The following VPS13C variants were observed in gnomAD, a reference collection of about 807,000 sequenced individuals.
VPS13C encodes the protein intermembrane lipid transfer protein VPS13C.
A neutral mutation model predicts 456.8 loss-of-function variants in VPS13C; 358 were observed. The ratio of observed to expected loss-of-function variants is 0.78; its 90% CI spans 0.72 to 0.86. The LOEUF (loss-of-function observed/expected upper bound fraction) is 0.86, where lower values mean the gene tolerates loss of function less well. VPS13C is among the 40% of genes least tolerant of loss of function. The pLI is 0.00. For missense variants in VPS13C, 4,818 were observed against 4,385.4 expected (o/e 1.10, Z -2.79); for synonymous variants, 1,578 against 1,486.7 (o/e 1.06, Z -1.41).
chr15:61,961,487 AGTTT>A, intron 35 of VPS13C, 98 bp downstream of exon 35: 3 of 1,156,000 alleles, frequency 2.6e-6, no homozygotes, highest in Non-Finnish European at 3.6e-6. Context: ...GTAATGGAAC[AGTTT>A]ATTTGAATAA....
chr15:61,923,859 A>ATTTTTTTTTT (rs2043743450), intron 53 of VPS13C, among the ~76,000 whole-genome samples: 1 of 69,354 alleles, frequency 1.4e-5, no homozygotes, highest in African/African-American at 6.1e-5. Flanking sequence ...ACCCCTCTAA[A>ATTTTTTTTTT]TCTTTTTTTT....
At chr15:61,989,743 T>C (rs543060016) in intron 18 of VPS13C, among the ~76,000 whole-genome samples, 39 of 152,210 alleles carry the variant, frequency 2.6e-4, no homozygotes, top group Non-Finnish European at 5.3e-4. Context: ...ATACTACTAC[T>C]ATTCATCCCC....
chr15:61,977,219 A>G lies in VPS13C; in HGVS notation c.2291-20T>C. ...TTTCCTCTTTAAAAAATAATTTAAG[A>G]TATTATTTATTATTTTTACAAACAG... is the stretch of plus-strand genomic sequence containing the variant. On this transcript the variant is annotated intron_variant, in intron 23 of 84. Coordinates refer to ENST00000644861, the MANE Select transcript of VPS13C (RefSeq NM_020821.3). 7.1e-7 allele frequency: 1 copy of G among 1,399,602 alleles called. No individual in the cohort carries two copies. The highest frequency in any genetic ancestry group is 1.5e-5 in the South Asian group (1 of 67,778). 86.7% of individuals were successfully genotyped at this position (1,399,602 alleles called of 1,614,324 possible). A position where few individuals can be genotyped will look rare whatever the true frequency, so the allele number is the denominator to read the frequency against.
chr15:61,884,080 C>T, intron 68 of VPS13C, 48 bp downstream of exon 68: 1 of 1,526,334 alleles, frequency 6.6e-7, no homozygotes, highest in Non-Finnish European at 8.7e-7. Flanking sequence ...ACTACCACCA[C>T]CAAGAAAATA....
intron 15 of VPS13C, among the ~76,000 whole-genome samples, chr15:62,006,659 G>A (rs1158184041): frequency 4.6e-5 from 7 of 152,020 alleles, no homozygotes; most frequent in Non-Finnish European, 8.8e-5. Context: ...TTCTAGTTCT[G>A]GATCCCTGAG....
At position 61,878,646 on chromosome 15, in the gene VPS13C, A is replaced by G; in HGVS notation, c.10103T>C (p.Ile3368Thr). ...VHSVNLLLKSIGATLTDVDDL... is the reference protein window; with the variant it reads ...VHSVNLLLKSTGATLTDVDDL... Reference sequence around the variant, plus strand: ...ATCCACATCAGTCAGAGTAGCACCTATGCTTTTCAACAGCAAGTTGACAGA... The same window carrying G: ...ATCCACATCAGTCAGAGTAGCACCTGTGCTTTTCAACAGCAAGTTGACAGA... The change falls in exon 74 of 85, where the codon ATA becomes ACA. Residue 3368 changes from isoleucine to threonine, a missense_variant. Physicochemically the swap from Ile to Thr is moderately conservative, Grantham distance 89. Around this residue, in one of 3 missense-constraint regions of VPS13C, gnomAD observed 4,552 missense variants for 4,130.6 expected, o/e 1.10. Coordinates refer to ENST00000644861, the MANE Select transcript of VPS13C (RefSeq NM_020821.3). 6.2e-7 allele frequency: 1 copy of G among 1,611,606 alleles called. No homozygotes were observed. The highest frequency in any genetic ancestry group is 8.5e-7 in the Non-Finnish European group (1 of 1,178,826).
intron 65 of VPS13C, 138 bp downstream of exon 65, chr15:61,908,853 AG>A: frequency 1.1e-6 from 1 of 940,014 alleles, no homozygotes; most frequent in African/African-American, 1.7e-5. Context: ...AAAACATGTA[AG>A]GGTATTAAAG....
At chr15:61,973,426 T>C (rs2140356794) in intron 26 of VPS13C, 28 bp downstream of exon 26, 3 of 1,563,006 alleles carry the variant, frequency 1.9e-6, no homozygotes, top group Non-Finnish European at 2.6e-6. Context: ...CTTAATTTAA[T>C]AGAGAAAGAG....
chr15:61,962,877 A>C (rs1234456220), intron 32 of VPS13C, 25 bp from the exon 33 acceptor site: 1 of 1,477,080 alleles, frequency 6.8e-7, no homozygotes, highest in Non-Finnish European at 9.3e-7. Flanking sequence ...GTATTATTAT[A>C]ATTTCTACAG....
rs2045213366 is a variant in VPS13C, at chr15:61,961,709, A to G, written c.3788T>C (p.Val1263Ala). The G allele has an allele frequency of 6.2e-7, 1 of 1,613,998 alleles. No individual in the cohort carries two copies. The highest frequency in any genetic ancestry group is 1.3e-5 in the African/African-American group (1 of 74,930). Residue 1263 changes from valine (V) to alanine (A), a missense_variant, in exon 35 of 85, where the codon GTG becomes GCG. Around this residue, in one of 3 missense-constraint regions of VPS13C, gnomAD observed 4,552 missense variants for 4,130.6 expected, o/e 1.10. Coordinates refer to ENST00000644861, the MANE Select transcript of VPS13C (RefSeq NM_020821.3). Reference sequence around the variant, plus strand: ...AACTCTGATTAACCCAAGATCTACCACTACTGCATTGGTGGAAATAGAAGA... The same window carrying G: ...AACTCTGATTAACCCAAGATCTACCGCTACTGCATTGGTGGAAATAGAAGA... ...PQSSISTNAV[V>A]VDLGLIRVHN...
At chr15:61,865,524 C>T (rs1041908382) in intron 81 of VPS13C, 2 of 941,594 alleles carry the variant, frequency 2.1e-6, no homozygotes, top group African/African-American at 3.6e-5. Flanking sequence ...TATATACATA[C>T]ATATAATGTA....
chr15:61,947,688 A>C (rs2044653572), intron 42 of VPS13C, among the ~76,000 whole-genome samples: 1 of 152,158 alleles, frequency 6.6e-6, no homozygotes, highest in Non-Finnish European at 1.5e-5. Context: ...TATTAGATTA[A>C]GGAAGAATAA....
At position 61,961,806 on chromosome 15, in the gene VPS13C, C is replaced by G. The variant is rs1312980235; in HGVS notation, c.3691G>C (p.Asp1231His). 6.2e-7 allele frequency: 1 copy of G among 1,614,066 alleles called. No individual in the cohort carries two copies. The highest frequency in any genetic ancestry group is 1.7e-5 in the Admixed American group (1 of 60,008). ...ACACGAAAACTCCTCTGGGCAAGATCTTTCACACTTGTGGCAGCCCTTTCT... is the reference window on the plus strand; with the variant it reads ...ACACGAAAACTCCTCTGGGCAAGATGTTTCACACTTGTGGCAGCCCTTTCT... ...AAERAATSVK[D>H]LAQRSFRVSI... The change falls in exon 35 of 85, where the codon GAT becomes CAT. Residue 1231 changes from aspartate (D) to histidine (H), a missense_variant. This residue lies in a region of VPS13C where 4,552 missense variants were observed against 4,130.6 expected (regional missense o/e 1.10). Transcript: ENST00000644861.
intron 66 of VPS13C, among the ~76,000 whole-genome samples, chr15:61,895,036 T>C (rs2042765538): frequency 6.6e-6 from 1 of 152,014 alleles, no homozygotes; most frequent in Admixed American, 6.6e-5. Context: ...CTGTCCACAA[T>C]GGAATAAAAC....
At chr15:61,961,422 C>T (rs1947556126) in intron 35 of VPS13C, among the ~76,000 whole-genome samples, 167 bp downstream of exon 35, 1 of 150,430 alleles carries the variant, frequency 6.6e-6, no homozygotes, top group South Asian at 2.1e-4. Flanking sequence ...CACACACACA[C>T]ACACACACAC....
rs1006737876 is a variant in VPS13C, at chr15:61,982,658, C to G, written c.1915-85G>C. ...TTCAAAGTTTCACCTCAATTCTAAA[C>G]AGCTGTAGCTTTGAACTGTGGAACT... On this transcript the variant is annotated intron_variant, in intron 20 of 84. Coordinates refer to ENST00000644861, the MANE Select transcript of VPS13C (RefSeq NM_020821.3). 4 of 891,520 alleles carry G rather than the reference C, an allele frequency of 4.5e-6. No individual in the cohort carries two copies. In the African/African-American group the frequency reaches 6.7e-5, roughly 15 times the overall value. 55.2% of individuals were successfully genotyped at this position (891,520 alleles called of 1,614,324 possible).
intron 2 of VPS13C, among the ~76,000 whole-genome samples, chr15:62,042,062 C>T (rs2048259531): frequency 6.6e-6 from 1 of 152,026 alleles, no homozygotes; most frequent in Non-Finnish European, 1.5e-5. Flanking sequence ...TAGTTGAAAA[C>T]ATTACTGAAC....
intron 68 of VPS13C, among the ~76,000 whole-genome samples, 198 bp from the exon 69 acceptor site, chr15:61,882,934 C>G (rs570821246): frequency 2.0e-5 from 3 of 151,992 alleles, no homozygotes; most frequent in Non-Finnish European, 2.9e-5. Flanking sequence ...AAAAAAAGAT[C>G]GTGAAACTTT....
At chr15:61,958,483 T>C in intron 37 of VPS13C, 125 bp downstream of exon 37, 1 of 595,090 alleles carries the variant, frequency 1.7e-6, no homozygotes, top group Non-Finnish European at 2.9e-6. Flanking sequence ...ATCTTGTTTG[T>C]TTACTCGGTA....
Sources: gnomAD v4.1 joint callset for allele counts (sites outside exome capture counted in the v4.1 genomes callset) on GRCh38, gnomAD v4.1.1 for gene constraint, gnomAD v4.1.1 regional missense constraint, MANE v1.5 for transcripts, NCBI Gene and HGNC (gene_info 2026-07-23, HGNC 2026-07-21) for gene names.